PLXNB1: variants seen among roughly 807,000 people sequenced by gnomAD.
PLXNB1 encodes plexin-B1.
In PLXNB1, 106 loss-of-function variants were observed where a neutral mutation model predicts 209.4. The ratio of observed to expected loss-of-function variants is 0.51; its 90% confidence interval spans 0.43 to 0.59. The LOEUF is 0.59. Among genes scored for constraint, PLXNB1 ranks in the 20% least tolerant of loss-of-function variants. PLXNB1 has a pLI of 0.00. For missense variants in PLXNB1, 2,357 were observed against 2,853.2 expected (o/e 0.83, Z 3.96); for synonymous variants, 1,167 against 1,183.2 (o/e 0.99, Z 0.28).
chr3:48,425,975 A>G (rs529000116), intron 1 of PLXNB1, among the ~76,000 whole-genome samples: 1 of 152,218 alleles, frequency 6.6e-6, no homozygotes, highest in Non-Finnish European at 1.5e-5. Flanking sequence ...GCAGGCACAT[A>G]TGTCACACTC....
rs1420759314 is a variant in PLXNB1 at position 48,409,233 on chromosome 3, C to T, written c.6087+96G>A. On this transcript the variant is annotated intron_variant, in intron 34 of 37. Coordinates refer to ENST00000296440, the MANE Select transcript of PLXNB1 (RefSeq NM_001130082.3). The surrounding 1 kb of genome is among the most constrained non-coding windows in gnomAD (Gnocchi z 5.8). The stretch of plus-strand genomic sequence containing the variant: ...GGGAGGTCAGAGGTCTCCCCTAAGC[C>T]CTCCTTGAAGTTCTCAGAAAAGCCT... The T allele has an allele frequency of 6.8e-7, 1 of 1,460,492 alleles. No homozygotes were observed. Among genetic ancestry groups the T allele is most frequent in the Non-Finnish European group, 9.3e-7 (1 of 1,070,108 alleles). The allele number at this position is 1,460,492 out of a possible 1,614,324, so 90.5% of individuals were successfully genotyped here.
At position 48,414,916 on chromosome 3, in the gene PLXNB1, A is replaced by G; in HGVS notation, c.4092T>C (p.Phe1364=). The G allele has an allele frequency of 6.2e-7, 1 of 1,613,962 alleles. No individual in the cohort carries two copies. The highest frequency in any genetic ancestry group is 8.5e-7 in the Non-Finnish European group (1 of 1,180,028). Residue 1364 remains phenylalanine, a synonymous_variant, in exon 21 of 38, where the codon TTT becomes TTC. Transcript: ENST00000296440. ...AGAAAGGTGTGGGGTTCAGTGTTGC[A>G]AAGTCAAAGACCAGGTTGTCAAGGA... The part of the protein sequence containing the change: ...EFILDNLVFD[F]ATLNPTPFSY...
At chr3:48,428,988 G>C (rs1429992475) in intron 1 of PLXNB1, among the ~76,000 whole-genome samples, 1 of 152,224 alleles carries the variant, frequency 6.6e-6, no homozygotes, top group Non-Finnish European at 1.5e-5. Flanking sequence ...GGCCCTGGGA[G>C]GGCGGGGAAG....
chr3:48,421,919 A>G (rs769292017), intron 6 of PLXNB1, 113 bp from the exon 7 acceptor site: 1 of 1,470,844 alleles, frequency 6.8e-7, no homozygotes, highest in Non-Finnish European at 9.1e-7. Context: ...TGGGCATGAT[A>G]GAGGCTCCTG....
intron 8 of PLXNB1, 121 bp downstream of exon 8, chr3:48,421,107 G>A (rs777408182): frequency 7.5e-7 from 1 of 1,342,194 alleles, no homozygotes; most frequent in Non-Finnish European, 1.0e-6. Context: ...TGGTTGGGGA[G>A]TGGGAGGACC....
At chr3:48,414,484 G>A (rs1468275330) in intron 21 of PLXNB1, among the ~76,000 whole-genome samples, 5 of 152,178 alleles carry the variant, frequency 3.3e-5, no homozygotes, top group East Asian at 1.9e-4. Context: ...GGCTGCCAAC[G>A]GGGGTCAGCC....
chr3:48,418,673 G>T lies in PLXNB1; in HGVS notation c.2956-131C>A. 1 of 912,030 alleles carries T rather than the reference G, an allele frequency of 1.1e-6. No homozygotes were observed. The highest frequency in any genetic ancestry group is 1.7e-6 in the Non-Finnish European group (1 of 587,360). 56.5% of individuals were successfully genotyped at this position (912,030 alleles called of 1,614,324 possible). ...TCAGAGGGACCCCATGGGGCCACAA[G>T]TTGGAGGGCAGAGCCAGAAATGGAG... On this transcript the variant is annotated intron_variant, in intron 13 of 37. Coordinates refer to ENST00000296440, the MANE Select transcript of PLXNB1 (RefSeq NM_001130082.3). The surrounding 1 kb of genome is among the most constrained non-coding windows in gnomAD (Gnocchi z 6.6).
Position 48,416,802 on chromosome 3 carries a change from C to T in PLXNB1, c.3375-351G>A, listed in dbSNP as rs1008609195. On this transcript the variant is annotated intron_variant, in intron 16 of 37. Transcript: ENST00000296440. This position sits in a 1 kb window ranked among gnomAD's most constrained non-coding sequence, Gnocchi z 4.1. ...ACAGCTAGCCGCCCATGTCCTCCGC[C>T]ACGTCACATGCACAGTACCCACTCA... 7 of 203,618 alleles carry T rather than the reference C, an allele frequency of 3.4e-5. No individual in the cohort carries two copies. The highest frequency in any genetic ancestry group is 4.9e-5 in the Non-Finnish European group (5 of 102,458). 12.6% of individuals were successfully genotyped at this position (203,618 alleles called of 1,614,324 possible). A position where few individuals can be genotyped will look rare whatever the true frequency, so the allele number is the denominator to read the frequency against.
rs753696641 is a variant in PLXNB1, at chr3:48,413,332, A to C, written c.4536-163T>G. ...AGTACGATTCAGCCTGTCCCGTCCC[A>C]AGCAAGTCACACACACCCATGCCCC... is the stretch of plus-strand genomic sequence containing the variant. On this transcript the variant is annotated intron_variant, in intron 23 of 37. Coordinates refer to ENST00000296440, the MANE Select transcript of PLXNB1 (RefSeq NM_001130082.3). This position sits in a 1 kb window ranked among gnomAD's most constrained non-coding sequence, Gnocchi z 5.4. 2 of 647,002 alleles carry C rather than the reference A, an allele frequency of 3.1e-6. No homozygotes were observed. Among genetic ancestry groups the C allele is most frequent in the Non-Finnish European group, 2.7e-6 (1 of 369,560 alleles). The allele number at this position is 647,002 out of a possible 1,614,324, so 40.1% of individuals were successfully genotyped here.
chr3:48,428,871 A>T (rs988036909), intron 1 of PLXNB1, among the ~76,000 whole-genome samples: 2 of 118,798 alleles, frequency 1.7e-5, no homozygotes, highest in South Asian at 6.3e-4. Context: ...TCCCACCGGG[A>T]GCAGCCAGAA....
rs760640753 is a variant in PLXNB1 at position 48,406,861 on chromosome 3, C to A, written c.6190G>T (p.Asp2064Tyr). ...GCCAGGACAGAGTTCATCTCTTGGT[C>A]GCTGGCTGGGACAGTCTGTCTGATG... Reference protein sequence around the residue: ...ADIRQTVPASDQEMNSVLAEL... With the variant: ...ADIRQTVPASYQEMNSVLAEL... Residue 2064 changes from aspartate (D) to tyrosine (Y), a missense_variant, in exon 36 of 38, where the codon GAC (aspartate) becomes TAC (tyrosine). By Grantham distance (160) the Asp-to-Tyr change is radical. Around this residue, in one of 7 missense-constraint regions of PLXNB1, gnomAD observed 414 missense variants for 520.5 expected, o/e 0.80. Transcript: ENST00000296440. This position sits in a 1 kb window ranked among gnomAD's most constrained non-coding sequence, Gnocchi z 4.4. 1.9e-6 allele frequency: 3 copies of A among 1,612,696 alleles called. No individual in the cohort carries two copies. The highest frequency in any genetic ancestry group is 2.5e-6 in the Non-Finnish European group (3 of 1,179,384).
At position 48,409,952 on chromosome 3, in the gene PLXNB1, C is replaced by T. The variant is rs757197979; in HGVS notation, c.5731G>A (p.Ala1911Thr). The change falls in exon 32 of 38, where the codon GCC becomes ACC. Residue 1911 changes from alanine (A) to threonine (T), a missense_variant. Physicochemically the swap from Ala to Thr is moderately conservative, Grantham distance 58. This residue lies in a region of PLXNB1 where 414 missense variants were observed against 520.5 expected (regional missense o/e 0.80). Coordinates refer to ENST00000296440, the MANE Select transcript of PLXNB1 (RefSeq NM_001130082.3). This position sits in a 1 kb window ranked among gnomAD's most constrained non-coding sequence, Gnocchi z 5.8. ...AGGTAGATCTCAGGGATGGCCTTGG[C>T]GCGCTCACGCTCCCCGCCCCGAAGG... ...GSLRGGERERAKAIPEIYLTR... is the reference protein window; with the variant it reads ...GSLRGGERERTKAIPEIYLTR... 14 of 1,612,234 alleles carry T rather than the reference C, an allele frequency of 8.7e-6. No homozygotes were observed. The highest frequency in any genetic ancestry group is 1.6e-4 in the Middle Eastern group (1 of 6,072).
At chr3:48,408,585 C>T (rs1424178612) in intron 34 of PLXNB1, among the ~76,000 whole-genome samples, 2 of 152,128 alleles carry the variant, frequency 1.3e-5, no homozygotes, top group African/African-American at 4.8e-5. Context: ...CCCCTCCTCA[C>T]ACATCCCTCA....
rs1279086193 is a variant in PLXNB1 at position 48,412,976 on chromosome 3, G to A, written c.4637-17C>T. 3 of 1,612,102 alleles carry A rather than the reference G, an allele frequency of 1.9e-6. No homozygotes were observed. Among genetic ancestry groups the A allele is most frequent in the East Asian group, 2.2e-5 (1 of 44,890 alleles). On this transcript the variant is annotated splice_polypyrimidine_tract_variant and intron_variant, in intron 24 of 37. Transcript: ENST00000296440. ...TCATGAGGTCTGTTAAGCAGAAGAG[G>A]CCAGGTTAAGCACCTGTTAAGCACC... is the stretch of plus-strand genomic sequence containing the variant.
In PLXNB1 at chr3:48,419,161, C is replaced by T. The variant is rs1019865739; in HGVS notation, c.2832+83G>A. On this transcript the variant is annotated intron_variant, in intron 12 of 37. Transcript: ENST00000296440. The surrounding 1 kb of genome is among the most constrained non-coding windows in gnomAD (Gnocchi z 5.7). ...TGGAGTTGAGCCCTCGGACTCTGCC[C>T]TCCTCCTGCTCCCCAGGGCTTGTGC... is the stretch of plus-strand genomic sequence containing the variant. The T allele has an allele frequency of 1.3e-6, 2 of 1,554,984 alleles. No individual in the cohort carries two copies. The highest frequency in any genetic ancestry group is 1.7e-6 in the Non-Finnish European group (2 of 1,145,496).
In PLXNB1 at chr3:48,416,751, G is replaced by A. The variant is rs1245597341; in HGVS notation, c.3375-300C>T. On this transcript the variant is annotated intron_variant, in intron 16 of 37. Coordinates refer to ENST00000296440, the MANE Select transcript of PLXNB1 (RefSeq NM_001130082.3). This position sits in a 1 kb window ranked among gnomAD's most constrained non-coding sequence, Gnocchi z 4.1. ...GGGGCCCTGTCAGCCTGGTTGTGGG[G>A]CGAGCTGCTGAGCAAGTGAGTGGGC... 1.1e-5 allele frequency: 3 copies of A among 264,028 alleles called. No homozygotes were observed. The Middle Eastern group carries it at 3.4e-3, about 298-fold the overall frequency. The allele number at this position is 264,028 out of a possible 1,614,324, so 16.4% of individuals were successfully genotyped here.
chr3:48,410,009 C>A lies in PLXNB1; in HGVS notation c.5674G>T (p.Glu1892Ter). The A allele has an allele frequency of 1.2e-6, 2 of 1,612,732 alleles. No homozygotes were observed. Among genetic ancestry groups the A allele is most frequent in the Non-Finnish European group, 1.7e-6 (2 of 1,179,508 alleles). Residue 1892 changes from glutamate (E) to a stop codon, truncating the protein, a stop_gained, in exon 32 of 38, where the codon GAG becomes TAG. Transcript: ENST00000296440. LOFTEE classifies it high-confidence loss of function. This position sits in a 1 kb window ranked among gnomAD's most constrained non-coding sequence, Gnocchi z 6.4. ...CTCCGAGGCCTGGGCGGCTCCGGCT[C>A]ATCACTTGGCTTCACCAGGTGCCAG... ...RPWHLVKPSD[E>*]PEPPRPRRGS...
rs1264080058 is a variant in PLXNB1, at chr3:48,418,141, CT to C, written c.3222+49del. The C allele has an allele frequency of 6.2e-7, 1 of 1,608,752 alleles. No individual in the cohort carries two copies. Among genetic ancestry groups the C allele is most frequent in the Non-Finnish European group, 8.5e-7 (1 of 1,176,726 alleles). ...CCTCCCACCTTTGGGCCCCCACACC[CT>C]CCCTCTAAGGGCAGCACTGAGGAAG... On this transcript the variant is annotated intron_variant, in intron 15 of 37. Transcript: ENST00000296440. The surrounding 1 kb of genome is among the most constrained non-coding windows in gnomAD (Gnocchi z 6.6).
Position 48,409,536 on chromosome 3 carries a change from C to T in PLXNB1, c.5939+35G>A, listed in dbSNP as rs1038189637. 2 of 1,613,836 alleles carry T rather than the reference C, an allele frequency of 1.2e-6. No homozygotes were observed. The highest frequency in any genetic ancestry group is 2.2e-5 in the East Asian group (1 of 44,880). On this transcript the variant is annotated intron_variant, in intron 33 of 37. Transcript: ENST00000296440. This position sits in a 1 kb window ranked among gnomAD's most constrained non-coding sequence, Gnocchi z 5.8. ...TGGGGAGGCAGAAGAGAAGACCCCC[C>T]ACACACACCTAGAGCCCACCCAGCT...
Sources: gnomAD v4.1 joint callset for allele counts (sites outside exome capture counted in the v4.1 genomes callset) on GRCh38, gnomAD v4.1.1 for gene constraint, gnomAD v4.1.1 regional missense constraint, Gnocchi (gnomAD v3.1) non-coding constraint, MANE v1.5 for transcripts, NCBI Gene and HGNC (gene_info 2026-07-23, HGNC 2026-07-21) for gene names.